NLRP12: variants seen among roughly 807,000 people sequenced by gnomAD.
NLRP12 encodes the protein NACHT, LRR and PYD domains-containing protein 12.
NLRP12 carries 108 observed loss-of-function variants against 91.2 expected under a neutral mutation model. The ratio of observed to expected loss-of-function variants is 1.18; its 90% CI spans 1.01 to 1.39. The LOEUF (loss-of-function observed/expected upper bound fraction) is 1.39, where lower values mean the gene tolerates loss of function less well. NLRP12 is among the 40% of genes most tolerant of loss of function. The probability of loss-of-function intolerance (pLI) is 0.00; values close to 1 mark genes in which losing one functional copy is unlikely to be tolerated. For synonymous variants in NLRP12, 613 were observed against 566.7 expected, an observed-to-expected ratio of 1.08 and a Z score of -1.16; for missense variants, 1,530 against 1,352.7, an observed-to-expected ratio of 1.13 and a Z score of -2.06.
At position 53,805,285 on chromosome 19, in the gene NLRP12, C is replaced by T. The variant is rs1382727542; in HGVS notation, c.2409G>A (p.Met803Ile). 1.2e-6 allele frequency: 2 copies of T among 1,613,992 alleles called. No individual in the cohort carries two copies. The highest frequency in any genetic ancestry group is 2.2e-5 in the East Asian group (1 of 44,866). ...TCCCGGGGATAGAGACTCACTGAAT[C>T]ATCTGCAGCCTGCACTGGGGATGCC... ...GLRHPQCRLQMIQLRKCQLES... is the reference protein window; with the variant it reads ...GLRHPQCRLQIIQLRKCQLES... Residue 803 changes from methionine (M) to isoleucine (I), a missense_variant, in exon 5 of 10, where the codon ATG (methionine) becomes ATA (isoleucine). Transcript: ENST00000324134.
At chr19:53,820,350 T>TG (rs1183526636) in intron 1 of NLRP12, among the ~76,000 whole-genome samples, 1 of 152,016 alleles carries the variant, frequency 6.6e-6, no homozygotes, top group Non-Finnish European at 1.5e-5. Context: ...ACCAACACGG[T>TG]GAAACCCCGT....
At position 53,807,475 on chromosome 19, in the gene NLRP12, C is replaced by G; in HGVS notation, c.2243+20G>C. Reference sequence around the variant, plus strand: ...CCACGGTGGGGACCACCTGAAACGCCCAGACCAGCCTGCACTCACCTCAGG... The same window carrying G: ...CCACGGTGGGGACCACCTGAAACGCGCAGACCAGCCTGCACTCACCTCAGG... On this transcript the variant is annotated intron_variant, in intron 4 of 9. Transcript: ENST00000324134. The G allele has an allele frequency of 6.2e-7, 1 of 1,611,106 alleles. No individual in the cohort carries two copies. Among genetic ancestry groups the G allele is most frequent in the Middle Eastern group, 1.7e-4 (1 of 5,996 alleles).
In NLRP12 at chr19:53,813,482, T is replaced by C. The variant is rs185578309; in HGVS notation, c.370+1426A>G. 2.0e-5 allele frequency among the ~76,000 whole-genome samples: 3 copies of C among 151,518 alleles called. No homozygotes were observed. The East Asian group carries it at 5.9e-4, about 30-fold the overall frequency. ...ACGCCTGGCTAATTTTTTTGTATTT[T>C]TAGTAGAGACAAGGTTTCACCGTGT... On this transcript the variant is annotated intron_variant, in intron 2 of 9. Coordinates refer to ENST00000324134, the MANE Select transcript of NLRP12 (RefSeq NM_144687.4).
Position 53,795,988 on chromosome 19 carries a change from A to G in NLRP12, c.2969T>C (p.Leu990Pro). ...CGLTAKACENLYFTLGINQTL... is the reference protein window; with the variant it reads ...CGLTAKACENPYFTLGINQTL... ...CTGGTTGATCCCCAGGGTGAAGTAA[A>G]GATTCTCACAAGCCTTGGCTGTGAG... The change falls in exon 9 of 10, where the codon CTT (leucine) becomes CCT (proline). Residue 990 changes from leucine (L) to proline (P), a missense_variant. Physicochemically the swap from Leu to Pro is moderately conservative, Grantham distance 98. Coordinates refer to ENST00000324134, the MANE Select transcript of NLRP12 (RefSeq NM_144687.4). 6.2e-7 allele frequency: 1 copy of G among 1,614,154 alleles called. No individual in the cohort carries two copies. Among genetic ancestry groups the G allele is most frequent in the Non-Finnish European group, 8.5e-7 (1 of 1,180,012 alleles).
In NLRP12 at chr19:53,807,556, G is replaced by C. The variant is rs764354581; in HGVS notation, c.2182C>G (p.Arg728Gly). 2.5e-6 allele frequency: 4 copies of C among 1,614,096 alleles called. No individual in the cohort carries two copies. Among genetic ancestry groups the C allele is most frequent in the Middle Eastern group, 1.6e-4 (1 of 6,062 alleles). Residue 728 changes from arginine (R) to glycine (G), a missense_variant, in exon 4 of 10, where the codon CGG becomes GGG. By Grantham distance (125) the Arg-to-Gly change is moderately radical. Coordinates refer to ENST00000324134, the MANE Select transcript of NLRP12 (RefSeq NM_144687.4). ...CCTTGACAGAGCAGCTTCACCCCCC[G>C]GCTGCCCAGGGCATTTCGGTACAGA... Reference protein sequence around the residue: ...LSLYRNALGSRGVKLLCQGLR... With the variant: ...LSLYRNALGSGGVKLLCQGLR...
Position 53,811,039 on chromosome 19 carries a change from G to T in NLRP12, c.620C>A (p.Pro207His), listed in dbSNP as rs767360169. Residue 207 changes from proline to histidine, a missense_variant, in exon 3 of 10, where the codon CCC (proline) becomes CAC (histidine). Physicochemically the swap from Pro to His is moderately conservative, Grantham distance 77. Transcript: ENST00000324134. ...CATGACCACGGTGCGCGGTGGCTCG[G>T]GGCGCTCCTCGTCTGGCTCAAAGAG... ...ETLFEPDEERPEPPRTVVMQG... is the reference protein window; with the variant it reads ...ETLFEPDEERHEPPRTVVMQG... 1.2e-6 allele frequency: 2 copies of T among 1,612,802 alleles called. No individual in the cohort carries two copies. The highest frequency in any genetic ancestry group is 8.5e-7 in the Non-Finnish European group (1 of 1,178,960).
Position 53,807,654 on chromosome 19 carries a change from G to A in NLRP12, c.2084C>T (p.Thr695Ile). Reference protein sequence around the residue: ...HTLLVQLPERTVLLDAYSEHL... With the variant: ...HTLLVQLPERIVLLDAYSEHL... ...TTCACTGTAGGCGTCCAGCAGAACG[G>A]TCCTCTCTGGTCTGCTTGAAGGAAA... Residue 695 changes from threonine to isoleucine, a missense_variant, in exon 4 of 10, where the codon ACC becomes ATC. By Grantham distance (89) the Thr-to-Ile change is moderately conservative. Coordinates refer to ENST00000324134, the MANE Select transcript of NLRP12 (RefSeq NM_144687.4). 6.2e-7 allele frequency: 1 copy of A among 1,614,144 alleles called. No individual in the cohort carries two copies. The highest frequency in any genetic ancestry group is 8.5e-7 in the Non-Finnish European group (1 of 1,180,026).
rs1486997030 is a variant in NLRP12 at position 53,819,443 on chromosome 19, ATATATATATATATATGTGTG to A, written c.289+4423_289+4442del. Among the ~76,000 whole-genome samples, 21 of 20,560 alleles carry A rather than the reference ATATATATATATATATGTGTG, an allele frequency of 1.0e-3. 6 individuals carry two copies. The highest frequency in any genetic ancestry group is 2.6e-3 in the African/African-American group (16 of 6,246). 13.5% of individuals were successfully genotyped at this position (20,560 alleles called of 152,430 possible). On this transcript the variant is annotated intron_variant, in intron 1 of 9. Transcript: ENST00000324134. ...TATATATATATATATATATATATAT[ATATATATATATATATGTGTG>A]TGTGTGTGTGTGTGTGTGTGTATAT...
intron 6 of NLRP12, among the ~76,000 whole-genome samples, chr19:53,803,254 T>G (rs921620727): frequency 6.6e-6 from 1 of 151,924 alleles, no homozygotes; most frequent in African/African-American, 2.4e-5. Context: ...CAGTGTTGGC[T>G]CACCACAACC....
intron 3 of NLRP12, chr19:53,808,054 C>T (rs1314980296): frequency 1.1e-5 from 4 of 352,368 alleles, no homozygotes; most frequent in Non-Finnish European, 2.2e-5. Flanking sequence ...CCGGCCAAAG[C>T]ATGCTATCTT....
intron 6 of NLRP12, among the ~76,000 whole-genome samples, chr19:53,803,152 C>T (rs1164046237): frequency 1.3e-5 from 2 of 152,026 alleles, no homozygotes; most frequent in African/African-American, 2.4e-5. Flanking sequence ...TTTCACGCTA[C>T]TGGGAAATCA....
chr19:53,804,401 G>GT (rs71189877), intron 5 of NLRP12, among the ~76,000 whole-genome samples: 5,455 of 71,604 alleles, frequency 0.076, 149 homozygotes, highest in Non-Finnish European at 0.12. Flanking sequence ...GGGTTTTTTT[G>GT]TTTTTTTTTT....
chr19:53,801,445 TTTC>T lies in NLRP12; in HGVS notation c.2586-51_2586-49del, dbSNP rs773295327. Reference sequence around the variant, plus strand: ...AGCATTATGGAGGCTTTCCTTTCTTTTTCTTTTTTTTTTTTTTTTTTTTTGAGA... The same window carrying T: ...AGCATTATGGAGGCTTTCCTTTCTTTTTTTTTTTTTTTTTTTTTTTTGAGA... On this transcript the variant is annotated intron_variant, in intron 6 of 9. Coordinates refer to ENST00000324134, the MANE Select transcript of NLRP12 (RefSeq NM_144687.4). 355 of 1,505,194 alleles carry T rather than the reference TTTC, an allele frequency of 2.4e-4. 2 individuals are homozygous for T. The highest frequency in any genetic ancestry group is 1.7e-3 in the African/African-American group (100 of 59,494). 93.2% of individuals were successfully genotyped at this position (1,505,194 alleles called of 1,614,324 possible). A position where few individuals can be genotyped will look rare whatever the true frequency, so the allele number is the denominator to read the frequency against.
chr19:53,800,587 C>T (rs1600681191), intron 7 of NLRP12, among the ~76,000 whole-genome samples: 3 of 149,210 alleles, frequency 2.0e-5, no homozygotes, highest in Admixed American at 6.7e-5. Flanking sequence ...AAACCCCCCC[C>T]TTTTTTTTTT....
In NLRP12 at chr19:53,801,092, C is replaced by A. The variant is rs563487163; in HGVS notation, c.2756+135G>T. The A allele has an allele frequency of 4.9e-4, 373 of 762,244 alleles. 1 individual carries two copies. The African/African-American group carries it at 6.0e-3, about 12-fold the overall frequency. The allele number at this position is 762,244 out of a possible 1,614,324, so 47.2% of individuals were successfully genotyped here. On this transcript the variant is annotated intron_variant, in intron 7 of 9. Transcript: ENST00000324134. ...CCTGTAATCTCAGCTACTTGGGAGTCTCAAAAAAAAAAAAAAAAGGCTGAT... is the reference window on the plus strand; with the variant it reads ...CCTGTAATCTCAGCTACTTGGGAGTATCAAAAAAAAAAAAAAAAGGCTGAT...
At chr19:53,818,060 G>A (rs1232918817) in intron 1 of NLRP12, among the ~76,000 whole-genome samples, 1 of 151,224 alleles carries the variant, frequency 6.6e-6, no homozygotes, top group Middle Eastern at 3.2e-3. Context: ...GGGATTACAG[G>A]CATGAGCCAC....
At chr19:53,819,114 G>C (rs976315309) in intron 1 of NLRP12, among the ~76,000 whole-genome samples, 1 of 152,256 alleles carries the variant, frequency 6.6e-6, no homozygotes, top group South Asian at 2.1e-4. Context: ...TTAGGCGGAA[G>C]AGGGAGAAAA....
At position 53,798,245 on chromosome 19, in the gene NLRP12, C is replaced by G. The variant is rs531178182; in HGVS notation, c.2925G>C (p.Leu975=). ...CCCCGTCACTCCCCGATGCTCACCA[C>G]AGTTTCTGGAGTCTGCAGGCGGGAT... ...LQHPACRLQK[L]WLDSCGLTAK... is the part of the protein sequence containing the mutation. Residue 975 remains leucine (L), a splice_region_variant and synonymous_variant, in exon 8 of 10, where the codon CTG becomes CTC. Coordinates refer to ENST00000324134, the MANE Select transcript of NLRP12 (RefSeq NM_144687.4). The G allele has an allele frequency of 1.2e-6, 2 of 1,614,216 alleles. No individual in the cohort carries two copies. Among genetic ancestry groups the G allele is most frequent in the South Asian group, 2.2e-5 (2 of 91,090 alleles).
intron 1 of NLRP12, among the ~76,000 whole-genome samples, chr19:53,822,146 A>G (rs1400542819): frequency 1.3e-5 from 2 of 152,152 alleles, no homozygotes; most frequent in African/African-American, 2.4e-5. Flanking sequence ...ATGTTCAAGT[A>G]CCTGCATGAT....
Sources: allele counts gnomAD v4.1 joint callset (sites outside exome capture counted in the v4.1 genomes callset), GRCh38; gene constraint gnomAD v4.1.1; transcripts MANE v1.5; gene names NCBI Gene and HGNC (gene_info 2026-07-23, HGNC 2026-07-21).